RSRC1: variants seen among roughly 807,000 people sequenced by gnomAD.
The protein encoded by RSRC1 is serine/Arginine-related protein 53.
Under a neutral mutation model 49.1 loss-of-function variants are expected in RSRC1, and 39 were observed. The observed-to-expected ratio is 0.79, with a 90% CI of 0.61 to 1.04. RSRC1 has a LOEUF of 1.04. Ranked by LOEUF, RSRC1 falls within the 50% of genes least tolerant of loss-of-function variation. The pLI, the probability that RSRC1 is intolerant of heterozygous loss-of-function variation, is 0.00. For synonymous variants in RSRC1, 143 were observed against 130.8 expected (o/e 1.09, Z -0.63); for missense variants, 388 against 402.4 (o/e 0.96, Z 0.31).
chr3:158,287,742 G>T (rs114736073), intron 4 of RSRC1, among the ~76,000 whole-genome samples: 1,828 of 152,238 alleles, frequency 0.012, 14 homozygotes, highest in Non-Finnish European at 0.018. Flanking sequence ...AAAAATAATT[G>T]TATTTGTGTG....
intron 6 of RSRC1, among the ~76,000 whole-genome samples, chr3:158,396,136 C>A (rs879733167): frequency 1.1e-4 from 16 of 151,912 alleles, no homozygotes; most frequent in Non-Finnish European, 5.9e-5. Flanking sequence ...CTAAACATTG[C>A]GAACACATGG....
At chr3:158,237,016 A>C (rs999483402) in intron 4 of RSRC1, among the ~76,000 whole-genome samples, 1 of 152,168 alleles carries the variant, frequency 6.6e-6, no homozygotes, top group Non-Finnish European at 1.5e-5. Flanking sequence ...CAGTTTCAAC[A>C]CTCAGGCTTA....
rs1232140103 is a variant in RSRC1, at chr3:158,231,296, C to T, written c.494+28051C>T. Reference sequence around the variant, plus strand: ...GATTACAGGTGCGTGCCACCACACCCGTCTAATTTTTGTATTTTTAATAGA... The same window carrying T: ...GATTACAGGTGCGTGCCACCACACCTGTCTAATTTTTGTATTTTTAATAGA... On this transcript the variant is annotated intron_variant, in intron 4 of 9. Coordinates refer to ENST00000611884, the MANE Select transcript of RSRC1 (RefSeq NM_001271838.2). Among the ~76,000 whole-genome samples the T allele has an allele frequency of 1.3e-5, 2 of 151,704 alleles. 1 individual carries two copies.
intron 7 of RSRC1, among the ~76,000 whole-genome samples, chr3:158,513,227 A>G (rs1329021823): frequency 2.0e-5 from 3 of 149,434 alleles, no homozygotes; most frequent in Non-Finnish European, 1.5e-5. Context: ...GTTTTTGCCC[A>G]TTCAGTATGA....
chr3:158,223,547 G>A (rs570909700), intron 4 of RSRC1, among the ~76,000 whole-genome samples: 2 of 150,448 alleles, frequency 1.3e-5, no homozygotes, highest in Admixed American at 6.6e-5. Context: ...TACAGACCAA[G>A]CCCGTCATCA....
chr3:158,443,826 T>A (rs1736519137), intron 6 of RSRC1, among the ~76,000 whole-genome samples: 1 of 152,180 alleles, frequency 6.6e-6, no homozygotes, highest in Non-Finnish European at 1.5e-5. Context: ...GATGTGTGGC[T>A]CTTCCTTTCA....
intron 6 of RSRC1, among the ~76,000 whole-genome samples, chr3:158,456,487 C>T (rs747215085): frequency 2.6e-5 from 4 of 151,996 alleles, no homozygotes; most frequent in African/African-American, 7.3e-5. Flanking sequence ...AACTACTATG[C>T]GCCCAGCTCT....
intron 3 of RSRC1, among the ~76,000 whole-genome samples, chr3:158,176,458 G>A (rs1315643253): frequency 2.0e-5 from 3 of 152,126 alleles, no homozygotes; most frequent in Admixed American, 6.5e-5. Flanking sequence ...CAGAGATATA[G>A]ATCAATGGAA....
At chr3:158,205,920 G>T (rs866812980) in intron 4 of RSRC1, among the ~76,000 whole-genome samples, 5 of 152,156 alleles carry the variant, frequency 3.3e-5, no homozygotes, top group Non-Finnish European at 7.3e-5. Context: ...TGGCCCACGG[G>T]CTGCAAGTTG....
intron 6 of RSRC1, among the ~76,000 whole-genome samples, chr3:158,367,076 A>C (rs1731808388): frequency 6.6e-6 from 1 of 152,170 alleles, no homozygotes; most frequent in Non-Finnish European, 1.5e-5. Context: ...ATATACAATC[A>C]TGTCATCTGC....
intron 4 of RSRC1, among the ~76,000 whole-genome samples, chr3:158,209,003 A>G (rs862351): frequency 0.57 from 86,900 of 152,040 alleles, 25,213 homozygotes; most frequent in East Asian, 0.73. Context: ...GTTGTGAACA[A>G]ATATGTAAGT....
chr3:158,178,515 G>A (rs115346623), intron 3 of RSRC1, among the ~76,000 whole-genome samples: 5,392 of 152,062 alleles, frequency 0.035, 312 homozygotes, highest in African/African-American at 0.12. Context: ...AATTCTTTTC[G>A]ATATACCAAC....
At position 158,532,974 on chromosome 3, in the gene RSRC1, A is replaced by G. The variant is rs559045441; in HGVS notation, c.653-4118A>G. Among the ~76,000 whole-genome samples, 7 of 151,906 alleles carry G rather than the reference A, an allele frequency of 4.6e-5. No individual in the cohort carries two copies. In the South Asian group the frequency reaches 1.5e-3, roughly 32 times the overall value. On this transcript the variant is annotated intron_variant, in intron 7 of 9. Coordinates refer to ENST00000611884, the MANE Select transcript of RSRC1 (RefSeq NM_001271838.2). ...ATTTTCCCAATCTTAAAATTGGCAC[A>G]AAATTGTTAAATGACAAATTGACAT...
At chr3:158,278,442 G>A (rs1725939427) in intron 4 of RSRC1, among the ~76,000 whole-genome samples, 1 of 152,076 alleles carries the variant, frequency 6.6e-6, no homozygotes, top group Non-Finnish European at 1.5e-5. Flanking sequence ...TCTCAATTTT[G>A]TTGAAAATAT....
chr3:158,209,616 T>G (rs776400418), intron 4 of RSRC1, among the ~76,000 whole-genome samples: 7 of 152,160 alleles, frequency 4.6e-5, no homozygotes, highest in Non-Finnish European at 1.0e-4. Flanking sequence ...TTCACCGTTA[T>G]TATTTCCTCA....
intron 7 of RSRC1, among the ~76,000 whole-genome samples, chr3:158,462,995 A>G (rs76472181): frequency 0.01 from 1,540 of 152,124 alleles, 29 homozygotes; most frequent in African/African-American, 0.035. Flanking sequence ...AATGCCTAAC[A>G]CATAGTAGAA....
intron 7 of RSRC1, among the ~76,000 whole-genome samples, chr3:158,483,136 A>G (rs1165283062): frequency 1.3e-5 from 2 of 152,032 alleles, no homozygotes; most frequent in African/African-American, 4.8e-5. Context: ...AAGAAAAAGA[A>G]AAAGCTCATC....
intron 4 of RSRC1, among the ~76,000 whole-genome samples, chr3:158,249,326 CT>C (rs1270483578): frequency 4.6e-5 from 7 of 152,320 alleles, no homozygotes; most frequent in Non-Finnish European, 7.3e-5. Flanking sequence ...TCACTGCAGA[CT>C]AGTTTGCATT....
intron 2 of RSRC1, among the ~76,000 whole-genome samples, chr3:158,122,520 T>G (rs1715328337): frequency 6.6e-6 from 1 of 151,924 alleles, no homozygotes; most frequent in Admixed American, 6.5e-5. Flanking sequence ...GAAAGTGGTG[T>G]AGTTTCCTTT....
Sources: gnomAD v4.1 joint callset for allele counts (sites outside exome capture counted in the v4.1 genomes callset) on GRCh38, gnomAD v4.1.1 for gene constraint, MANE v1.5 for transcripts, NCBI Gene and HGNC (gene_info 2026-07-23, HGNC 2026-07-21) for gene names.